Variants in PXDC1 observed in about 807,000 individuals in gnomAD.
PXDC1 encodes the protein PX domain-containing protein 1.
Under a neutral mutation model 24.4 loss-of-function variants are expected in PXDC1, and 13 were observed. That is an observed-to-expected ratio of 0.53 (90% CI 0.35 to 0.85). PXDC1 has a LOEUF of 0.85. Ranked by LOEUF, PXDC1 falls within the 40% of genes least tolerant of loss-of-function variation. The pLI, the probability that PXDC1 is intolerant of heterozygous loss-of-function variation, is 0.01. For missense variants in PXDC1, 344 were observed against 309.3 expected (o/e 1.11, Z -0.84); for synonymous variants, 162 against 124.9 (o/e 1.30, Z -1.98).
At chr6:3,748,165 C>T (rs961096332) in intron 1 of PXDC1, among the ~76,000 whole-genome samples, 4 of 152,154 alleles carry the variant, frequency 2.6e-5, no homozygotes, top group African/African-American at 9.7e-5. Context: ...TGTTAGGTAT[C>T]GCACAGAGGG....
intron 1 of PXDC1, among the ~76,000 whole-genome samples, chr6:3,749,233 G>C (rs762033826): frequency 6.7e-6 from 1 of 150,358 alleles, no homozygotes; most frequent in Non-Finnish European, 1.5e-5. Flanking sequence ...CCAGCAGAGA[G>C]AGCAGCTCCA....
At chr6:3,751,078 C>T (rs1760702973) in intron 1 of PXDC1, 198 bp downstream of exon 1, 5 of 494,994 alleles carry the variant, frequency 1.0e-5, no homozygotes, top group Non-Finnish European at 1.7e-5. Context: ...CGCCCCCAGG[C>T]TGGGCAGGCT....
In PXDC1 at chr6:3,728,022, T is replaced by A. The variant is rs1312217425; in HGVS notation, c.467-360A>T. Among the ~76,000 whole-genome samples the A allele has an allele frequency of 6.6e-6, 1 of 152,142 alleles. No individual in the cohort carries two copies. Among genetic ancestry groups the A allele is most frequent in the East Asian group, 1.9e-4 (1 of 5,186 alleles). On this transcript the variant is annotated intron_variant, in intron 3 of 4. Transcript: ENST00000380283. The surrounding 1 kb of genome is among the most constrained non-coding windows in gnomAD (Gnocchi z 4.0). ...GTGTGAGAGCAGAGCTATGGCACAG[T>A]GACATGTGGCTCTGCCCAGGGTACC...
Position 3,737,958 on chromosome 6 carries a change from C to A in PXDC1, c.348+99G>T. ...AACAAAACGGCTAAGTGAGACAGAG[C>A]AAGCAAGTCAACCCTCCGGGGGGAT... On this transcript the variant is annotated intron_variant, in intron 2 of 4. Transcript: ENST00000380283. This position sits in a 1 kb window ranked among gnomAD's most constrained non-coding sequence, Gnocchi z 5.5. 1 of 1,000,236 alleles carries A rather than the reference C, an allele frequency of 1.0e-6. No individual in the cohort carries two copies. Among genetic ancestry groups the A allele is most frequent in the Non-Finnish European group, 1.5e-6 (1 of 647,474 alleles). The allele number at this position is 1,000,236 out of a possible 1,614,324, so 62.0% of individuals were successfully genotyped here. A position where few individuals can be genotyped will look rare whatever the true frequency, so the allele number is the denominator to read the frequency against.
intron 1 of PXDC1, among the ~76,000 whole-genome samples, chr6:3,740,688 G>A (rs368076289): frequency 1.3e-5 from 2 of 151,950 alleles, no homozygotes; most frequent in African/African-American, 2.4e-5. Flanking sequence ...ACAGGCCCTC[G>A]CTTCCCAACA....
At chr6:3,735,454 T>C (rs1354455183) in intron 3 of PXDC1, among the ~76,000 whole-genome samples, 1 of 152,228 alleles carries the variant, frequency 6.6e-6, no homozygotes, top group Non-Finnish European at 1.5e-5. Context: ...ATGCTGTCAT[T>C]TGTGGCAACA....
At chr6:3,748,788 A>G (rs1024092028) in intron 1 of PXDC1, among the ~76,000 whole-genome samples, 4 of 152,204 alleles carry the variant, frequency 2.6e-5, no homozygotes, top group African/African-American at 9.6e-5. Flanking sequence ...AAATGGAACT[A>G]GAGAATGCAA....
chr6:3,723,663 A>G lies in PXDC1; in HGVS notation c.652T>C (p.Ser218Pro). The G allele has an allele frequency of 6.2e-7, 1 of 1,614,164 alleles. No individual in the cohort carries two copies. The part of the protein sequence containing the change: ...DDPAAYVTNL[S>P]YYHLVPFETD... ...TCGAAGGGGACCAGGTGGTAATATG[A>G]CAGGTTGGTGACGTAGGCTGCTGGG... Residue 218 changes from serine to proline, a missense_variant, in exon 5 of 5, where the codon TCA becomes CCA. By Grantham distance (74) the Ser-to-Pro change is moderately conservative. Transcript: ENST00000380283.
At chr6:3,751,251 C>CT in intron 1 of PXDC1, 25 bp downstream of exon 1, 1 of 1,441,754 alleles carries the variant, frequency 6.9e-7, no homozygotes, top group Non-Finnish European at 9.1e-7. Flanking sequence ...GGCCCCGCGC[C>CT]CCTCCCGCGT....
At chr6:3,748,794 T>G (rs1760630831) in intron 1 of PXDC1, among the ~76,000 whole-genome samples, 1 of 152,186 alleles carries the variant, frequency 6.6e-6, no homozygotes, top group South Asian at 2.1e-4. Flanking sequence ...AACTAGAGAA[T>G]GCAAATCTAA....
chr6:3,729,818 AC>A (rs1760155577), intron 3 of PXDC1, among the ~76,000 whole-genome samples: 1 of 151,942 alleles, frequency 6.6e-6, no homozygotes, highest in Admixed American at 6.6e-5. Flanking sequence ...CCTTTCTCCC[AC>A]CCCTTTTGCA....
chr6:3,742,092 A>G (rs1264665592), intron 1 of PXDC1, among the ~76,000 whole-genome samples: 1 of 152,202 alleles, frequency 6.6e-6, no homozygotes, highest in Non-Finnish European at 1.5e-5. Context: ...TTATAAAGAA[A>G]AAGTTCTGAG....
intron 1 of PXDC1, among the ~76,000 whole-genome samples, chr6:3,749,103 G>A (rs1760639915): frequency 6.6e-6 from 1 of 152,060 alleles, no homozygotes; most frequent in African/African-American, 2.4e-5. Flanking sequence ...GGTGGTGCTG[G>A]GCAGGGACCA....
At chr6:3,727,245 T>C (rs1043650666) in intron 4 of PXDC1, among the ~76,000 whole-genome samples, 2 of 152,208 alleles carry the variant, frequency 1.3e-5, no homozygotes, top group African/African-American at 4.8e-5. Flanking sequence ...GTGTGAGGCA[T>C]GTGGCCCTCC....
chr6:3,733,453 C>T (rs1229449676), intron 3 of PXDC1, among the ~76,000 whole-genome samples: 3 of 152,120 alleles, frequency 2.0e-5, no homozygotes, highest in South Asian at 2.1e-4. Context: ...TGTACCGCCT[C>T]GCCACCGGCA....
At chr6:3,732,910 C>T (rs1004935978) in intron 3 of PXDC1, among the ~76,000 whole-genome samples, 4 of 152,166 alleles carry the variant, frequency 2.6e-5, no homozygotes, top group African/African-American at 7.2e-5. Context: ...TGTGGGCTCT[C>T]GGCCGGGAAT....
rs757077284 is a variant in PXDC1, at chr6:3,736,553, A to C, written c.466+526T>G. On this transcript the variant is annotated intron_variant, in intron 3 of 4. Transcript: ENST00000380283. ...TGCAAAAAGCAAGTCTAGTGTTCTC[A>C]TGACACCTGCAACCCAGATCTTAGT... Among the ~76,000 whole-genome samples, 10 of 152,180 alleles carry C rather than the reference A, an allele frequency of 6.6e-5. No individual in the cohort carries two copies. In the East Asian group the frequency reaches 1.5e-3, roughly 23 times the overall value.
chr6:3,733,202 G>C (rs1760240114), intron 3 of PXDC1, among the ~76,000 whole-genome samples: 1 of 152,104 alleles, frequency 6.6e-6, no homozygotes, highest in African/African-American at 2.4e-5. Context: ...CTGGAGAAAG[G>C]GGGACGCATG....
intron 1 of PXDC1, among the ~76,000 whole-genome samples, chr6:3,748,042 T>C (rs1760608026): frequency 6.6e-6 from 1 of 152,036 alleles, no homozygotes; most frequent in Non-Finnish European, 1.5e-5. Flanking sequence ...GAAATAACAA[T>C]CGAAAAAGTC....
Sources: gnomAD v4.1 joint callset for allele counts (sites outside exome capture counted in the v4.1 genomes callset) on GRCh38, gnomAD v4.1.1 for gene constraint, Gnocchi (gnomAD v3.1) non-coding constraint, MANE v1.5 for transcripts, NCBI Gene and HGNC (gene_info 2026-07-23, HGNC 2026-07-21) for gene names.